MTUS1: variants seen among roughly 807,000 people sequenced by gnomAD.
MTUS1 encodes microtubule associated scaffold protein 1.
A neutral mutation model predicts 120.8 loss-of-function variants in MTUS1; 109 were observed. The observed-to-expected ratio is 0.90, with a 90% CI of 0.77 to 1.06. MTUS1 has a LOEUF of 1.06. MTUS1 is among the 50% of genes least tolerant of loss of function. The pLI, the probability that MTUS1 is intolerant of heterozygous loss-of-function variation, is 0.00. For synonymous variants in MTUS1, 737 were observed against 550.5 expected, an observed-to-expected ratio of 1.34 and a Z score of -4.74; for missense variants, 2,210 against 1,486.3, an observed-to-expected ratio of 1.49 and a Z score of -8.01.
At chr8:17,744,794 C>T (rs992475144) in intron 2 of MTUS1, among the ~76,000 whole-genome samples, 6 of 150,674 alleles carry the variant, frequency 4.0e-5, no homozygotes, top group African/African-American at 1.2e-4. Flanking sequence ...TCTGCCGCCT[C>T]GGCCTCCCAA....
At chr8:17,670,594 C>T (rs1811813266) in intron 8 of MTUS1, among the ~76,000 whole-genome samples, 1 of 152,126 alleles carries the variant, frequency 6.6e-6, no homozygotes, top group Non-Finnish European at 1.5e-5. Context: ...GAGGCCGAGA[C>T]GGGCGGATCA....
rs149588268 is a variant in MTUS1 at position 17,712,295 on chromosome 8, G to C, written c.2623+919C>G. 3.1e-3 allele frequency among the ~76,000 whole-genome samples: 479 copies of C among 152,164 alleles called. 2 individuals carry two copies. The highest frequency in any genetic ancestry group is 0.01 in the Middle Eastern group (3 of 294). On this transcript the variant is annotated intron_variant, in intron 6 of 14. Coordinates refer to ENST00000693296, the MANE Select transcript of MTUS1 (RefSeq NM_001363059.2). ...ACTGTATATAAAATAAGACAATGTA[G>C]GCAGTGTACAGGAGACCTTATCTAT...
chr8:17,771,048 G>A (rs904552632), intron 1 of MTUS1, among the ~76,000 whole-genome samples: 1 of 152,164 alleles, frequency 6.6e-6, no homozygotes, highest in Non-Finnish European at 1.5e-5. Flanking sequence ...TTGGAATTTA[G>A]ATGTAAGGAA....
intron 8 of MTUS1, among the ~76,000 whole-genome samples, chr8:17,671,972 A>G (rs931295335): frequency 1.3e-5 from 2 of 152,278 alleles, no homozygotes; most frequent in Middle Eastern, 6.8e-3. Context: ...TACTGATTTC[A>G]TATCACCAGC....
chr8:17,741,251 TTCA>T (rs1364742555), intron 3 of MTUS1, among the ~76,000 whole-genome samples: 1 of 152,098 alleles, frequency 6.6e-6, no homozygotes, highest in Non-Finnish European at 1.5e-5. Context: ...CCGTTTAACC[TTCA>T]TCACCTCCTC....
chr8:17,686,003 A>G (rs1815712866), intron 6 of MTUS1, among the ~76,000 whole-genome samples: 1 of 152,256 alleles, frequency 6.6e-6, no homozygotes, highest in Admixed American at 6.5e-5. Context: ...TAAATATTTG[A>G]CCATGAGATT....
Position 17,743,738 on chromosome 8 carries a change from C to G in MTUS1, c.2153G>C (p.Gly718Ala). Residue 718 changes from glycine (G) to alanine (A), a missense_variant, in exon 3 of 15, where the codon GGT becomes GCT. Coordinates refer to ENST00000693296, the MANE Select transcript of MTUS1 (RefSeq NM_001363059.2). ...GRNISKPDSCGLRQIAAPKAK... is the reference protein window; with the variant it reads ...GRNISKPDSCALRQIAAPKAK... ...TTTTGGAGCAGCTATTTGCCTCAAA[C>G]CGCAGGAGTCAGGCTTGGATATATT... 3 of 1,614,138 alleles carry G rather than the reference C, an allele frequency of 1.9e-6. No homozygotes were observed. The highest frequency in any genetic ancestry group is 1.7e-6 in the Non-Finnish European group (2 of 1,180,016).
chr8:17,699,101 C>T (rs148961345), intron 6 of MTUS1, among the ~76,000 whole-genome samples: 79 of 152,252 alleles, frequency 5.2e-4, no homozygotes, highest in African/African-American at 1.7e-3. Flanking sequence ...TCAAATTTTG[C>T]CATGATTAAA....
chr8:17,646,941 G>A (rs760599466), intron 14 of MTUS1, 41 bp downstream of exon 14: 5 of 1,462,030 alleles, frequency 3.4e-6, no homozygotes, highest in Non-Finnish European at 4.8e-6. Flanking sequence ...ATGTCCAAGG[G>A]AGCGGGGAGC....
chr8:17,753,667 T>G (rs749719201), intron 2 of MTUS1, 50 bp downstream of exon 2: 1 of 1,285,730 alleles, frequency 7.8e-7, no homozygotes, highest in African/African-American at 1.5e-5. Flanking sequence ...ACATCTCAGT[T>G]TTCTCCACAG....
At chr8:17,763,540 G>T (rs1164987236) in intron 1 of MTUS1, among the ~76,000 whole-genome samples, 1 of 152,086 alleles carries the variant, frequency 6.6e-6, no homozygotes, top group Non-Finnish European at 1.5e-5. Context: ...TGTAAATTTA[G>T]TGAGAATTAG....
At chr8:17,763,553 G>A (rs902499241) in intron 1 of MTUS1, among the ~76,000 whole-genome samples, 1 of 152,080 alleles carries the variant, frequency 6.6e-6, no homozygotes. Context: ...AGAATTAGCT[G>A]CACAAACCCA....
intron 2 of MTUS1, among the ~76,000 whole-genome samples, chr8:17,744,978 A>C (rs1196315003): frequency 6.6e-6 from 1 of 152,148 alleles, no homozygotes; most frequent in Non-Finnish European, 1.5e-5. Flanking sequence ...GTCTCCCTAA[A>C]ATGGATGAAA....
Position 17,712,853 on chromosome 8 carries a change from C to T in MTUS1, c.2623+361G>A, listed in dbSNP as rs1020409019. ...AAACATAAAAATATAGGCTGCTGAA[C>T]TGGGAAAAGGTGCTAAAACCAAATA... is the stretch of plus-strand genomic sequence containing the variant. On this transcript the variant is annotated intron_variant, in intron 6 of 14. Transcript: ENST00000693296. Among the ~76,000 whole-genome samples, 40 of 151,984 alleles carry T rather than the reference C, an allele frequency of 2.6e-4. 1 individual carries two copies. The highest frequency in any genetic ancestry group is 8.4e-4 in the African/African-American group (35 of 41,444).
At chr8:17,667,959 T>C (rs10503601) in intron 8 of MTUS1, among the ~76,000 whole-genome samples, 13,489 of 152,256 alleles carry the variant, frequency 0.089, 1,066 homozygotes, top group East Asian at 0.33. Flanking sequence ...TTTTACACTA[T>C]TATAGGAAGG....
intron 5 of MTUS1, among the ~76,000 whole-genome samples, chr8:17,713,652 G>A (rs894344314): frequency 3.9e-5 from 6 of 152,126 alleles, no homozygotes; most frequent in Non-Finnish European, 7.4e-5. Flanking sequence ...TGTGCTTTCC[G>A]AAACTACCCG....
At chr8:17,734,730 G>C (rs1371869167) in intron 3 of MTUS1, among the ~76,000 whole-genome samples, 1 of 151,898 alleles carries the variant, frequency 6.6e-6, no homozygotes, top group African/African-American at 2.4e-5. Flanking sequence ...GATAAACAAG[G>C]GTCTTCACAT....
chr8:17,720,121 T>C (rs1289081486), intron 4 of MTUS1, among the ~76,000 whole-genome samples: 13 of 152,040 alleles, frequency 8.6e-5, no homozygotes, highest in Admixed American at 8.5e-4. Context: ...GACGCAGGCA[T>C]ATCACTTGTG....
At chr8:17,732,412 C>G (rs1050765045) in intron 3 of MTUS1, among the ~76,000 whole-genome samples, 1 of 152,184 alleles carries the variant, frequency 6.6e-6, no homozygotes, top group Non-Finnish European at 1.5e-5. Context: ...TACTTGGCTT[C>G]AGGGATGCCC....
Sources: gnomAD v4.1 joint callset for allele counts (sites outside exome capture counted in the v4.1 genomes callset) on GRCh38, gnomAD v4.1.1 for gene constraint, MANE v1.5 for transcripts, NCBI Gene and HGNC (gene_info 2026-07-23, HGNC 2026-07-21) for gene names.